The following BCAR3 variants were observed in gnomAD, a reference collection of about 807,000 sequenced individuals.
BCAR3 encodes BCAR3 adaptor protein, NSP family member.
BCAR3 carries 37 observed loss-of-function variants against 80.1 expected under a neutral mutation model. The observed-to-expected ratio is 0.46, with a 90% CI of 0.36 to 0.61. The LOEUF is 0.61. Ranked by LOEUF, BCAR3 falls within the 20% of genes least tolerant of loss-of-function variation. The pLI, the probability that BCAR3 is intolerant of heterozygous loss-of-function variation, is 0.00. For synonymous variants in BCAR3, 389 were observed against 418.9 expected (o/e 0.93, Z 0.87); for missense variants, 978 against 1,068.2 (o/e 0.92, Z 1.18).
At chr1:93,773,558 C>T (rs1044564121) in intron 2 of BCAR3, among the ~76,000 whole-genome samples, 1 of 152,154 alleles carries the variant, frequency 6.6e-6, no homozygotes, top group African/African-American at 2.4e-5. Flanking sequence ...TCCATAGCCC[C>T]ATGAAACCTG....
At chr1:93,761,156 TG>T (rs1651931368) in intron 2 of BCAR3, among the ~76,000 whole-genome samples, 1 of 152,150 alleles carries the variant, frequency 6.6e-6, no homozygotes, top group African/African-American at 2.4e-5. Flanking sequence ...ACAGAGCTGG[TG>T]GCAGGAGTCT....
chr1:93,613,179 G>A (rs575674950), intron 3 of BCAR3, among the ~76,000 whole-genome samples: 4 of 152,266 alleles, frequency 2.6e-5, no homozygotes, highest in South Asian at 4.1e-4. Flanking sequence ...CAAGATCCAC[G>A]AAAGCCTATA....
chr1:93,845,483 TATATATATATATATA>T (rs1557708431), intron 2 of BCAR3: 451 of 7,050 alleles, frequency 0.064, 40 homozygotes, highest in African/African-American at 0.29. Context: ...TATATATATA[TATATATATATATATA>T]TATAAAACTT....
In BCAR3 at chr1:93,836,427, T is replaced by G. The variant is rs113700012; in HGVS notation, c.-63+9140A>C. Among the ~76,000 whole-genome samples, 141 of 151,530 alleles carry G rather than the reference T, an allele frequency of 9.3e-4. 4 individuals carry two copies. The highest frequency in any genetic ancestry group is 3.3e-3 in the African/African-American group (136 of 40,804). On this transcript the variant is annotated intron_variant, in intron 2 of 13. Transcript: ENST00000370244. ...TCGTGTCTTCCATTTAATTTTTCAG[T>G]TCATACAAAACCACATCCAGGCCAT...
chr1:93,718,792 C>T (rs1650281631), intron 2 of BCAR3, among the ~76,000 whole-genome samples: 1 of 145,210 alleles, frequency 6.9e-6, no homozygotes, highest in Non-Finnish European at 1.5e-5. Context: ...ACCTCCCAGG[C>T]TCAAGCAATC....
At chr1:93,663,449 C>T (rs1331701209) in intron 2 of BCAR3, among the ~76,000 whole-genome samples, 1 of 152,138 alleles carries the variant, frequency 6.6e-6, no homozygotes, top group East Asian at 1.9e-4. Context: ...AAAGTGCCAC[C>T]TGCAGTCAGC....
chr1:93,681,754 C>G lies in BCAR3; in HGVS notation c.-168G>C, dbSNP rs1054771939. On this transcript the variant is annotated 5_prime_UTR_variant, in exon 1 of 12. Coordinates refer to ENST00000260502, the MANE Select transcript of BCAR3 (RefSeq NM_003567.4). ...CGCGGGGCGTGCCCGCCGAGAATCC[C>G]GCGCGCGTCTAGCCGGTGCGCCCCG... The G allele has an allele frequency of 6.6e-6, 1 of 151,864 alleles. No individual in the cohort carries two copies. The highest frequency in any genetic ancestry group is 1.5e-5 in the Non-Finnish European group (1 of 67,946). 9.4% of individuals were successfully genotyped at this position (151,864 alleles called of 1,614,324 possible).
intron 3 of BCAR3, among the ~76,000 whole-genome samples, chr1:93,629,844 T>A (rs550169701): frequency 6.6e-5 from 10 of 152,150 alleles, no homozygotes; most frequent in Non-Finnish European, 1.3e-4. Flanking sequence ...ATGTGAGTAT[T>A]TAAGGTGACA....
chr1:93,567,155 G>T (rs1672984520), intron 11 of BCAR3, 124 bp downstream of exon 11: 2 of 1,198,570 alleles, frequency 1.7e-6, no homozygotes, highest in African/African-American at 3.0e-5. Flanking sequence ...TATAGGAAAT[G>T]GAATTCCATT....
Position 93,589,015 on chromosome 1 carries a change from C to A in BCAR3, c.891G>T (p.Gln297His). ...CCCTGGGCAAATTCTGCTCTCGGGC[C>A]TGGACGCCACCCATGGTGAGGCTCA... ...KRLSLTMGGV[Q>H]AREQNLPRGN... Residue 297 changes from glutamine to histidine, a missense_variant, in exon 5 of 12, where the codon CAG (glutamine) becomes CAT (histidine). Coordinates refer to ENST00000260502, the MANE Select transcript of BCAR3 (RefSeq NM_003567.4). 1 of 1,598,170 alleles carries A rather than the reference C, an allele frequency of 6.3e-7. No individual in the cohort carries two copies. Among genetic ancestry groups the A allele is most frequent in the Middle Eastern group, 1.7e-4 (1 of 5,882 alleles).
chr1:93,685,289 C>G (rs538681472), upstream of BCAR3, among the ~76,000 whole-genome samples: 1 of 152,196 alleles, frequency 6.6e-6, no homozygotes, highest in South Asian at 2.1e-4. Context: ...AGACCCCCTC[C>G]CACTAGAAAT....
chr1:93,678,713 G>C (rs1648610363), intron 1 of BCAR3, among the ~76,000 whole-genome samples: 1 of 152,168 alleles, frequency 6.6e-6, no homozygotes, highest in Non-Finnish European at 1.5e-5. Flanking sequence ...CGGGTGGAGA[G>C]CTACTTTACA....
At chr1:93,835,947 G>A (rs12745990) in intron 2 of BCAR3, among the ~76,000 whole-genome samples, 43,620 of 152,060 alleles carry the variant, frequency 0.29, 7,239 homozygotes, top group East Asian at 0.53. Flanking sequence ...GTCCGGTAAC[G>A]GACCGGCCTT....
chr1:93,756,214 C>T (rs1651743505), intron 2 of BCAR3, among the ~76,000 whole-genome samples: 2 of 152,132 alleles, frequency 1.3e-5, no homozygotes, highest in African/African-American at 4.8e-5. Flanking sequence ...GTTTTCTTTC[C>T]CCCTTGTGTG....
intron 3 of BCAR3, among the ~76,000 whole-genome samples, chr1:93,633,034 T>C (rs938574786): frequency 1.3e-5 from 2 of 152,168 alleles, no homozygotes. Flanking sequence ...AAAAGCCATA[T>C]TAAAATATAA....
At chr1:93,631,448 C>A (rs1418157478) in intron 3 of BCAR3, among the ~76,000 whole-genome samples, 1 of 152,188 alleles carries the variant, frequency 6.6e-6, no homozygotes, top group Non-Finnish European at 1.5e-5. Context: ...AGCTATTCTG[C>A]CTCAGAACCT....
chr1:93,681,661 G>C lies in BCAR3; in HGVS notation c.-75C>G, dbSNP rs904550237. Reference sequence around the variant, plus strand: ...TCTGGACCTCCGGCTGGGGCTCAAAGGCGCCGCGCGGCCGGCCTCGCACCG... The same window carrying C: ...TCTGGACCTCCGGCTGGGGCTCAAACGCGCCGCGCGGCCGGCCTCGCACCG... On this transcript the variant is annotated 5_prime_UTR_variant, in exon 1 of 12. Transcript: ENST00000260502. 6.6e-6 allele frequency: 1 copy of C among 151,750 alleles called. No individual in the cohort carries two copies. Among genetic ancestry groups the C allele is most frequent in the African/African-American group, 2.4e-5 (1 of 41,372 alleles). 9.4% of individuals were successfully genotyped at this position (151,750 alleles called of 1,614,324 possible).
intron 8 of BCAR3, among the ~76,000 whole-genome samples, chr1:93,575,243 C>T (rs1225006286): frequency 6.6e-6 from 1 of 152,172 alleles, no homozygotes; most frequent in African/African-American, 2.4e-5. Context: ...AAGCCATGGG[C>T]AGTCAGTAAT....
intron 3 of BCAR3, among the ~76,000 whole-genome samples, chr1:93,631,008 A>G (rs1279534872): frequency 6.6e-6 from 1 of 152,244 alleles, no homozygotes; most frequent in East Asian, 1.9e-4. Context: ...AAACTTGGCT[A>G]CTTTAAAATA....
Sources: gnomAD v4.1 joint callset for allele counts (sites outside exome capture counted in the v4.1 genomes callset) on GRCh38, gnomAD v4.1.1 for gene constraint, MANE v1.5 for transcripts, NCBI Gene and HGNC (gene_info 2026-07-23, HGNC 2026-07-21) for gene names.